FREM2: variants seen among roughly 807,000 people sequenced by gnomAD.
The protein encoded by FREM2 is FRAS1 related extracellular matrix 2.
A neutral mutation model predicts 219.9 loss-of-function variants in FREM2; 119 were observed. That is an observed-to-expected ratio of 0.54 (90% CI 0.47 to 0.63). The LOEUF is 0.63. FREM2 is among the 30% of genes least tolerant of loss of function. The pLI is 0.00. For missense variants in FREM2, 4,030 were observed against 3,993.6 expected (o/e 1.01, Z -0.25); for synonymous variants, 1,562 against 1,522.8 (o/e 1.03, Z -0.60).
At chr13:38,875,984 C>G in intron 18 of FREM2, 38 bp from the exon 19 acceptor site, 4 of 1,571,192 alleles carry the variant, frequency 2.5e-6, no homozygotes, top group Non-Finnish European at 3.5e-6. Flanking sequence ...TTTAATTGAA[C>G]CACTATATCA....
chr13:38,752,938 A>G (rs1439176668), intron 2 of FREM2, among the ~76,000 whole-genome samples: 3 of 152,234 alleles, frequency 2.0e-5, no homozygotes, highest in Non-Finnish European at 4.4e-5. Flanking sequence ...AAAAGGAATT[A>G]GGCTCTGGTT....
At chr13:38,868,906 G>A (rs984240437) in intron 16 of FREM2, among the ~76,000 whole-genome samples, 3 of 152,210 alleles carry the variant, frequency 2.0e-5, no homozygotes. Context: ...CAGACTCCAT[G>A]TGCTTCAGAG....
At chr13:38,849,523 G>A (rs1490619229) in intron 8 of FREM2, among the ~76,000 whole-genome samples, 1 of 152,116 alleles carries the variant, frequency 6.6e-6, no homozygotes, top group East Asian at 1.9e-4. Context: ...TCATCACAAG[G>A]GAATTCTGAA....
chr13:38,796,936 A>G (rs1176506895), intron 6 of FREM2, among the ~76,000 whole-genome samples: 5 of 151,774 alleles, frequency 3.3e-5, no homozygotes, highest in African/African-American at 1.2e-4. Flanking sequence ...GCTGGAGTGC[A>G]GTGGTGCAAT....
chr13:38,885,060 G>A lies in FREM2; in HGVS notation c.*4273G>A, dbSNP rs1878681739. The A allele has an allele frequency of 6.6e-6, 1 of 152,078 alleles. No individual in the cohort carries two copies. Among genetic ancestry groups the A allele is most frequent in the South Asian group, 2.1e-4 (1 of 4,824 alleles). 9.4% of individuals were successfully genotyped at this position (152,078 alleles called of 1,614,324 possible). A position where few individuals can be genotyped will look rare whatever the true frequency, so the allele number is the denominator to read the frequency against. Reference sequence around the variant, plus strand: ...TAGGTTCAAATTATCCCTTAATGTTGATTTCTCCCCTTTTCCATGGATTTT... The same window carrying A: ...TAGGTTCAAATTATCCCTTAATGTTAATTTCTCCCCTTTTCCATGGATTTT... On this transcript the variant is annotated 3_prime_UTR_variant, in exon 24 of 24. Transcript: ENST00000280481.
intron 2 of FREM2, among the ~76,000 whole-genome samples, chr13:38,737,499 G>A (rs1030244390): frequency 1.3e-5 from 2 of 152,120 alleles, no homozygotes; most frequent in Non-Finnish European, 2.9e-5. Flanking sequence ...GATCTGTGAG[G>A]TACATACCAG....
intron 1 of FREM2, among the ~76,000 whole-genome samples, chr13:38,696,971 C>T (rs955469043): frequency 1.6e-4 from 25 of 151,970 alleles, no homozygotes; most frequent in Non-Finnish European, 3.4e-4. Context: ...CCACACCCAG[C>T]CAATTTTTAA....
chr13:38,851,913 CTG>C (rs1248545418), intron 11 of FREM2, 45 bp downstream of exon 11: 8 of 1,544,410 alleles, frequency 5.2e-6, no homozygotes, highest in Non-Finnish European at 7.2e-6. Flanking sequence ...CATGCCAACT[CTG>C]TGTTTCAGTG....
At position 38,859,459 on chromosome 13, in the gene FREM2, A is replaced by C; in HGVS notation, c.7388A>C (p.Lys2463Thr). Residue 2463 changes from lysine (K) to threonine (T), a missense_variant, in exon 14 of 24, where the codon AAG becomes ACG. By Grantham distance (78) the Lys-to-Thr change is moderately conservative. This residue lies in a region of FREM2 where 928 missense variants were observed against 1,042.9 expected (regional missense o/e 0.89). Transcript: ENST00000280481. ...TTCGACACCTTTTTTACGTCATCCA[A>C]GATGGTCACACTGGACTCCATATAC... is the stretch of plus-strand genomic sequence containing the variant. ...VDFDTFFTSS[K>T]MVTLDSIYFQ... 6.2e-7 allele frequency: 1 copy of C among 1,614,104 alleles called. No individual in the cohort carries two copies. The highest frequency in any genetic ancestry group is 8.5e-7 in the Non-Finnish European group (1 of 1,180,018).
In FREM2 at chr13:38,692,023, A is replaced by G. The variant is rs113785959; in HGVS notation, c.4679A>G (p.Asp1560Gly). Residue 1560 changes from aspartate (D) to glycine (G), a missense_variant, in exon 1 of 24, where the codon GAC becomes GGC. Around this residue, in one of 2 missense-constraint regions of FREM2, gnomAD observed 3,102 missense variants for 2,950.7 expected, o/e 1.05. Transcript: ENST00000280481. ...ACTCCTTTTGAGCTCACTGTCGAAG[A>G]CAGAGATACTCCTGACAAGCTCCTG... ...LITPFELTVE[D>G]RDTPDKLLKF... is the part of the protein sequence containing the mutation. 1 of 1,614,252 alleles carries G rather than the reference A, an allele frequency of 6.2e-7. No homozygotes were observed. The highest frequency in any genetic ancestry group is 1.1e-5 in the South Asian group (1 of 91,084).
intron 11 of FREM2, among the ~76,000 whole-genome samples, chr13:38,853,266 C>T (rs375189809): frequency 8.9e-5 from 13 of 145,254 alleles, no homozygotes; most frequent in East Asian, 6.1e-4. Context: ...AAGCAGAGGC[C>T]GAGATCCGCC....
intron 4 of FREM2, among the ~76,000 whole-genome samples, chr13:38,781,322 A>T (rs1194052162): frequency 6.6e-6 from 1 of 152,152 alleles, no homozygotes; most frequent in Non-Finnish European, 1.5e-5. Context: ...CTCAAATGAG[A>T]TTCTAATTCT....
chr13:38,697,646 T>C (rs1870165213), intron 1 of FREM2, 52 bp from the exon 2 acceptor site: 2 of 1,018,586 alleles, frequency 2.0e-6, no homozygotes, highest in Non-Finnish European at 3.1e-6. Context: ...CCATAATGAA[T>C]CATCAATTTT....
chr13:38,797,124 AC>A (rs1184826358), intron 6 of FREM2, among the ~76,000 whole-genome samples: 1 of 102,990 alleles, frequency 9.7e-6, no homozygotes, highest in Non-Finnish European at 2.2e-5. Context: ...CAATCCTCCC[AC>A]CTTACCTTTG....
chr13:38,763,690 C>A (rs1873325809), intron 2 of FREM2, among the ~76,000 whole-genome samples: 1 of 152,040 alleles, frequency 6.6e-6, no homozygotes. Context: ...ATAGGCAGCC[C>A]ACTCCATTTT....
intron 18 of FREM2, 103 bp from the exon 19 acceptor site, chr13:38,875,917 CAG>C: frequency 9.1e-7 from 1 of 1,104,846 alleles, no homozygotes; most frequent in East Asian, 2.4e-5. Flanking sequence ...CTTATAAAAA[CAG>C]AAGCAAATAA....
intron 6 of FREM2, 67 bp downstream of exon 6, chr13:38,784,875 C>A: frequency 6.5e-7 from 1 of 1,527,256 alleles, no homozygotes; most frequent in Admixed American, 1.7e-5. Flanking sequence ...ACTTTCTAGA[C>A]AGAAAAAATG....
At chr13:38,791,500 T>C (rs1874559161) in intron 6 of FREM2, among the ~76,000 whole-genome samples, 1 of 151,992 alleles carries the variant, frequency 6.6e-6, no homozygotes, top group Non-Finnish European at 1.5e-5. Context: ...AGAAGAGAGG[T>C]TTAATTGACT....
At chr13:38,812,924 A>G (rs1336656877) in intron 6 of FREM2, among the ~76,000 whole-genome samples, 1 of 151,642 alleles carries the variant, frequency 6.6e-6, no homozygotes, top group Non-Finnish European at 1.5e-5. Context: ...AGCAAAAAAA[A>G]AAAACCCCAC....
Sources: allele counts gnomAD v4.1 joint callset (sites outside exome capture counted in the v4.1 genomes callset), GRCh38; gene constraint gnomAD v4.1.1; regional missense constraint gnomAD v4.1.1; transcripts MANE v1.5; gene names NCBI Gene and HGNC (gene_info 2026-07-23, HGNC 2026-07-21).